RANBP17: variants seen among roughly 807,000 people sequenced by gnomAD.
The protein encoded by RANBP17 is RAN binding protein 17.
Under a neutral mutation model 141.2 loss-of-function variants are expected in RANBP17, and 158 were observed. The observed-to-expected ratio is 1.12, with a 90% confidence interval of 0.98 to 1.28. The LOEUF is 1.28. RANBP17 is among the 50% of genes most tolerant of loss of function. RANBP17 has a pLI of 0.00. For synonymous variants in RANBP17, 430 were observed against 450.0 expected (o/e 0.96, Z 0.56); for missense variants, 1,438 against 1,290.7 (o/e 1.11, Z -1.75).
chr5:171,166,597 G>A (rs1759715354), intron 14 of RANBP17, among the ~76,000 whole-genome samples: 1 of 152,042 alleles, frequency 6.6e-6, no homozygotes, highest in African/African-American at 2.4e-5. Context: ...TTTTTCTGTA[G>A]AAGACTTTCA....
chr5:171,290,564 A>G (rs1768433790), intron 25 of RANBP17, among the ~76,000 whole-genome samples: 1 of 152,192 alleles, frequency 6.6e-6, no homozygotes. Context: ...TTTGTAGAGT[A>G]ATTTTGTGTT....
At position 170,953,983 on chromosome 5, in the gene RANBP17, C is replaced by T. The variant is rs1412188775; in HGVS notation, c.1574+281C>T. On this transcript the variant is annotated intron_variant, in intron 13 of 27. Transcript: ENST00000523189. The stretch of plus-strand genomic sequence containing the variant: ...TACTTAGGATGTGAGCAAGCACATA[C>T]AGTTGGTGTGTATTGGAAAGGTGGC... Among the ~76,000 whole-genome samples, 7 of 152,050 alleles carry T rather than the reference C, an allele frequency of 4.6e-5. No individual in the cohort carries two copies. The South Asian group carries it at 1.0e-3, about 23-fold the overall frequency.
In RANBP17 at chr5:171,012,028, TA is replaced by T. The variant is rs80179226; in HGVS notation, c.1710+43653del. 1.2e-3 allele frequency among the ~76,000 whole-genome samples: 184 copies of T among 151,290 alleles called. 2 individuals carry two copies. Among genetic ancestry groups the T allele is most frequent in the South Asian group, 1.5e-3 (7 of 4,724 alleles). ...TCAGTAATATATTTGTTTAAACAAA[TA>T]ATATATTTGTTTAAACAAATTATAT... On this transcript the variant is annotated intron_variant, in intron 14 of 27. Transcript: ENST00000523189.
At chr5:170,981,502 T>C (rs1230252926) in intron 14 of RANBP17, among the ~76,000 whole-genome samples, 1 of 151,756 alleles carries the variant, frequency 6.6e-6, no homozygotes, top group Non-Finnish European at 1.5e-5. Context: ...GTTCTTGTGA[T>C]AGGAAGTCTC....
chr5:170,888,370 A>G (rs899710225), intron 3 of RANBP17, among the ~76,000 whole-genome samples: 1 of 151,898 alleles, frequency 6.6e-6, no homozygotes, highest in Non-Finnish European at 1.5e-5. Flanking sequence ...ATTTATTTAG[A>G]TCTTCTTTGG....
chr5:170,972,361 T>C (rs1486781704), intron 14 of RANBP17, among the ~76,000 whole-genome samples: 1 of 151,998 alleles, frequency 6.6e-6, no homozygotes, highest in Non-Finnish European at 1.5e-5. Context: ...TTTTTGTATT[T>C]TTAGTAGAGA....
intron 14 of RANBP17, among the ~76,000 whole-genome samples, chr5:170,976,962 A>G (rs776952031): frequency 4.6e-5 from 7 of 152,122 alleles, no homozygotes; most frequent in Non-Finnish European, 8.8e-5. Context: ...TATGACATCA[A>G]AAGCTCAAGC....
At chr5:170,976,438 T>A (rs1470537217) in intron 14 of RANBP17, among the ~76,000 whole-genome samples, 1 of 152,152 alleles carries the variant, frequency 6.6e-6, no homozygotes, top group Non-Finnish European at 1.5e-5. Flanking sequence ...TTTAACACAA[T>A]CTCTACCAAA....
At chr5:171,199,374 T>C (rs1762166629) in intron 18 of RANBP17, among the ~76,000 whole-genome samples, 1 of 152,050 alleles carries the variant, frequency 6.6e-6, no homozygotes. Flanking sequence ...AGAGAAGCTC[T>C]AGGGGCCCTA....
At chr5:170,905,363 CAT>C (rs1441422271) in intron 5 of RANBP17, among the ~76,000 whole-genome samples, 1 of 152,072 alleles carries the variant, frequency 6.6e-6, no homozygotes, top group East Asian at 1.9e-4. Flanking sequence ...TCCATGCACA[CAT>C]ATAGATGTAT....
intron 25 of RANBP17, among the ~76,000 whole-genome samples, chr5:171,272,365 T>A (rs1346835852): frequency 6.6e-6 from 1 of 152,186 alleles, no homozygotes; most frequent in African/African-American, 2.4e-5. Flanking sequence ...AATTTAGAAA[T>A]TTAAGAAATA....
intron 14 of RANBP17, among the ~76,000 whole-genome samples, chr5:171,086,368 G>A (rs2127718113): frequency 6.6e-6 from 1 of 151,992 alleles, no homozygotes; most frequent in Admixed American, 6.6e-5. Flanking sequence ...CGGTTTGCCA[G>A]TATTTTATTG....
intron 14 of RANBP17, among the ~76,000 whole-genome samples, chr5:171,022,275 G>T (rs1476186548): frequency 2.0e-5 from 3 of 152,226 alleles, no homozygotes; most frequent in African/African-American, 7.2e-5. Context: ...ACCCAGTTGG[G>T]TGGCACAGGG....
intron 18 of RANBP17, among the ~76,000 whole-genome samples, chr5:171,189,062 A>G (rs1238360560): frequency 1.3e-5 from 2 of 152,162 alleles, no homozygotes; most frequent in Non-Finnish European, 2.9e-5. Context: ...TTTTAGTTCA[A>G]AGTTTTTTTT....
At chr5:170,962,062 G>T (rs1776191432) in intron 13 of RANBP17, among the ~76,000 whole-genome samples, 1 of 152,308 alleles carries the variant, frequency 6.6e-6, no homozygotes, top group African/African-American at 2.4e-5. Flanking sequence ...AGTGCTTGTG[G>T]AGGCAAGTGT....
rs374478724 is a variant in RANBP17, at chr5:170,863,934, CT to C, written c.18+1884del. On this transcript the variant is annotated intron_variant, in intron 1 of 27. Transcript: ENST00000523189. ...ATAAAAGATCAGACAGTTTTGTTGACTAGAAAAAAACTGAAATTTCTCCGTT... is the reference window on the plus strand; with the variant it reads ...ATAAAAGATCAGACAGTTTTGTTGACAGAAAAAAACTGAAATTTCTCCGTT... Among the ~76,000 whole-genome samples the C allele has an allele frequency of 4.1e-4, 63 of 152,256 alleles. 1 individual carries two copies. The South Asian group carries it at 0.013, about 31-fold the overall frequency.
At chr5:171,048,179 C>T (rs1029615499) in intron 14 of RANBP17, among the ~76,000 whole-genome samples, 6 of 152,172 alleles carry the variant, frequency 3.9e-5, no homozygotes, top group African/African-American at 1.4e-4. Context: ...CTTCTCACCT[C>T]AGCTTCCCAC....
At position 170,881,982 on chromosome 5, in the gene RANBP17, A is replaced by G. The variant is rs1038503815; in HGVS notation, c.256+86A>G. 6 of 739,932 alleles carry G rather than the reference A, an allele frequency of 8.1e-6. No homozygotes were observed. In the East Asian group the frequency reaches 1.1e-4, roughly 14 times the overall value. 45.8% of individuals were successfully genotyped at this position (739,932 alleles called of 1,614,324 possible). Reference sequence around the variant, plus strand: ...TACTAAACTGTTACTAGGATTGCAAATTTTTTATGTCTGTCATTTTTAAAA... The same window carrying G: ...TACTAAACTGTTACTAGGATTGCAAGTTTTTTATGTCTGTCATTTTTAAAA... On this transcript the variant is annotated intron_variant, in intron 3 of 27. Transcript: ENST00000523189.
At chr5:170,934,419 CTAGTATTGGTCT>C (rs1773678818) in intron 12 of RANBP17, among the ~76,000 whole-genome samples, 1 of 152,062 alleles carries the variant, frequency 6.6e-6, no homozygotes, top group Admixed American at 6.5e-5. Context: ...CAGTTTCTTC[CTAGTATTGGTCT>C]TATTTGGCAT....
Sources: gnomAD v4.1 joint callset for allele counts (sites outside exome capture counted in the v4.1 genomes callset) on GRCh38, gnomAD v4.1.1 for gene constraint, MANE v1.5 for transcripts, NCBI Gene and HGNC (gene_info 2026-07-23, HGNC 2026-07-21) for gene names.